The following PAWR variants were observed in gnomAD, a reference collection of about 807,000 sequenced individuals.
PAWR encodes the protein PRKC apoptosis WT1 regulator protein.
PAWR carries 23 observed loss-of-function variants against 32.0 expected under a neutral mutation model. That is an observed-to-expected ratio of 0.72 (90% CI 0.52 to 1.02). PAWR has a LOEUF of 1.02. PAWR is among the 50% of genes least tolerant of loss of function. PAWR has a pLI of 0.00. For synonymous variants in PAWR, 226 were observed against 187.1 expected, an observed-to-expected ratio of 1.21 and a Z score of -1.70; for missense variants, 457 against 437.7, an observed-to-expected ratio of 1.04 and a Z score of -0.39.
chr12:79,642,593 T>G (rs1042371880), intron 2 of PAWR, among the ~76,000 whole-genome samples: 6 of 152,156 alleles, frequency 3.9e-5, no homozygotes, highest in Non-Finnish European at 8.8e-5. Context: ...GTGTGCATCC[T>G]TGGTCTCTCT....
chr12:79,601,605 T>A (rs1873965113), intron 4 of PAWR, among the ~76,000 whole-genome samples: 1 of 152,204 alleles, frequency 6.6e-6, no homozygotes, highest in Non-Finnish European at 1.5e-5. Flanking sequence ...CTACCATTTT[T>A]ATAGGATTTA....
At chr12:79,669,621 A>T (rs1400870652) in intron 2 of PAWR, among the ~76,000 whole-genome samples, 2 of 152,126 alleles carry the variant, frequency 1.3e-5, no homozygotes, top group African/African-American at 4.8e-5. Context: ...AGTGTTCTTT[A>T]AAAAAAGAAA....
chr12:79,648,922 T>C lies in PAWR; in HGVS notation c.517-27715A>G, dbSNP rs147383372. Among the ~76,000 whole-genome samples the C allele has an allele frequency of 4.1e-3, 621 of 152,336 alleles. 12 individuals carry two copies. The highest frequency in any genetic ancestry group is 0.014 in the African/African-American group (589 of 41,572). The stretch of plus-strand genomic sequence containing the variant: ...GTGAAACTGTAGGGAGACTCTGCTA[T>C]TCATGCTTTTAAAATGTGCTTTTAA... On this transcript the variant is annotated intron_variant, in intron 2 of 6. Transcript: ENST00000328827.
At chr12:79,595,446 A>G (rs1873715867) in intron 5 of PAWR, among the ~76,000 whole-genome samples, 1 of 152,218 alleles carries the variant, frequency 6.6e-6, no homozygotes, top group African/African-American at 2.4e-5. Flanking sequence ...GCTGCTGCCA[A>G]CTACTAGCAA....
At chr12:79,661,270 A>G (rs1361587538) in intron 2 of PAWR, among the ~76,000 whole-genome samples, 2 of 149,146 alleles carry the variant, frequency 1.3e-5, no homozygotes, top group East Asian at 1.9e-4. Context: ...AAAAAAAAAG[A>G]ACTTACATTT....
rs567135109 is a variant in PAWR at position 79,621,693 on chromosome 12, G to A, written c.517-486C>T. On this transcript the variant is annotated intron_variant, in intron 2 of 6. Coordinates refer to ENST00000328827, the MANE Select transcript of PAWR (RefSeq NM_002583.4). The stretch of plus-strand genomic sequence containing the variant: ...AAGGAAGAGTATTTTTACCTGGAGA[G>A]TTAGAAAAGACTATAAAAAATCTTG... Among the ~76,000 whole-genome samples, 3 of 152,132 alleles carry A rather than the reference G, an allele frequency of 2.0e-5. No homozygotes were observed. In the South Asian group the frequency reaches 6.2e-4, roughly 32 times the overall value.
At chr12:79,595,647 GAC>G (rs1340153332) in intron 5 of PAWR, among the ~76,000 whole-genome samples, 1 of 152,158 alleles carries the variant, frequency 6.6e-6, no homozygotes, top group Non-Finnish European at 1.5e-5. Context: ...AGGAATTCAA[GAC>G]CAGCCTGACC....
At chr12:79,612,250 G>A (rs1046901910) in intron 4 of PAWR, among the ~76,000 whole-genome samples, 2 of 152,088 alleles carry the variant, frequency 1.3e-5, no homozygotes, top group Admixed American at 6.6e-5. Context: ...AGTAGTAAAT[G>A]TATTGAGTGT....
At chr12:79,689,663 G>A (rs973300657) in intron 2 of PAWR, 66 bp downstream of exon 2, 10 of 1,504,838 alleles carry the variant, frequency 6.6e-6, no homozygotes, top group Admixed American at 2.0e-5. Flanking sequence ...TAGCTCCCAG[G>A]AGGAAGACAC....
chr12:79,608,408 T>C (rs936222741), intron 4 of PAWR, among the ~76,000 whole-genome samples: 3 of 152,088 alleles, frequency 2.0e-5, no homozygotes, highest in Non-Finnish European at 4.4e-5. Flanking sequence ...GCATGAACAG[T>C]TCACAATAGG....
intron 4 of PAWR, chr12:79,604,473 T>G: frequency 1.9e-6 from 2 of 1,072,630 alleles, no homozygotes; most frequent in Middle Eastern, 2.6e-4. Flanking sequence ...CTAGAGGAAT[T>G]TTCCACTAAA....
At chr12:79,669,015 G>A (rs1230985135) in intron 2 of PAWR, among the ~76,000 whole-genome samples, 3 of 152,188 alleles carry the variant, frequency 2.0e-5, no homozygotes, top group Admixed American at 1.3e-4. Flanking sequence ...CTAGGGAAAG[G>A]AAGAATGAAG....
intron 1 of PAWR, 29 bp from the exon 2 acceptor site, chr12:79,690,420 A>T: frequency 1.5e-6 from 2 of 1,294,250 alleles, no homozygotes; most frequent in Non-Finnish European, 2.0e-6. Flanking sequence ...GGGGGCGGGT[A>T]AGGGAAGCGT....
rs549290202 is a variant in PAWR, at chr12:79,604,408, A to G, written c.684-7750T>C. ...GGGGTGTTGTGTTGGGGAAAATTAC[A>G]CTATTATTCTAAAACTATCATGAGA... is the stretch of plus-strand genomic sequence containing the variant. On this transcript the variant is annotated intron_variant, in intron 4 of 6. Coordinates refer to ENST00000328827, the MANE Select transcript of PAWR (RefSeq NM_002583.4). 106 of 1,020,168 alleles carry G rather than the reference A, an allele frequency of 1.0e-4. No individual in the cohort carries two copies. The African/African-American group carries it at 1.3e-3, about 13-fold the overall frequency. The allele number at this position is 1,020,168 out of a possible 1,614,324, so 63.2% of individuals were successfully genotyped here.
intron 2 of PAWR, among the ~76,000 whole-genome samples, chr12:79,645,095 G>A (rs992998531): frequency 6.7e-6 from 1 of 148,628 alleles, no homozygotes; most frequent in Admixed American, 6.7e-5. Flanking sequence ...AGGAAATGAG[G>A]GTAGAGCTTC....
At chr12:79,628,441 G>A (rs1228250620) in intron 2 of PAWR, among the ~76,000 whole-genome samples, 1 of 151,890 alleles carries the variant, frequency 6.6e-6, no homozygotes, top group Non-Finnish European at 1.5e-5. Context: ...GCTAGCAGAA[G>A]GCAAGAAATA....
At chr12:79,649,815 A>C (rs1356661947) in intron 2 of PAWR, among the ~76,000 whole-genome samples, 1 of 152,032 alleles carries the variant, frequency 6.6e-6, no homozygotes, top group Non-Finnish European at 1.5e-5. Context: ...AAATAGTTAA[A>C]TCAGCAGTCC....
intron 2 of PAWR, among the ~76,000 whole-genome samples, chr12:79,658,928 T>C (rs543128014): frequency 1.3e-5 from 2 of 149,116 alleles, no homozygotes; most frequent in East Asian, 2.0e-4. Context: ...CTCAAAGTGC[T>C]GGGATTACAG....
chr12:79,650,691 G>A (rs191683939), intron 2 of PAWR, among the ~76,000 whole-genome samples: 5 of 121,692 alleles, frequency 4.1e-5, no homozygotes, highest in African/African-American at 1.2e-4. Flanking sequence ...CCTTACTCAA[G>A]TTCAACAGAG....
Sources: allele counts gnomAD v4.1 joint callset (sites outside exome capture counted in the v4.1 genomes callset), GRCh38; gene constraint gnomAD v4.1.1; transcripts MANE v1.5; gene names NCBI Gene and HGNC (gene_info 2026-07-23, HGNC 2026-07-21).